DLC1: variants seen among roughly 807,000 people sequenced by gnomAD.
DLC1 encodes rho GTPase-activating protein 7.
A neutral mutation model predicts 140.3 loss-of-function variants in DLC1; 54 were observed. The observed-to-expected ratio is 0.38, with a 90% confidence interval of 0.31 to 0.48. The LOEUF is 0.48. Ranked by LOEUF, DLC1 falls within the 20% of genes least tolerant of loss-of-function variation. DLC1 has a pLI of 0.96. For missense variants in DLC1, 2,536 were observed against 1,907.0 expected, an observed-to-expected ratio of 1.33 and a Z score of -6.14; for synonymous variants, 986 against 728.1, an observed-to-expected ratio of 1.35 and a Z score of -5.70.
intron 1 of DLC1, among the ~76,000 whole-genome samples, chr8:13,588,625 CTT>C (rs1271255224): frequency 2.6e-5 from 4 of 151,958 alleles, no homozygotes; most frequent in African/African-American, 9.7e-5. Flanking sequence ...AGAAAATAGT[CTT>C]AAATGAAAGT....
intron 1 of DLC1, among the ~76,000 whole-genome samples, chr8:13,593,123 A>G (rs1015917149): frequency 1.3e-5 from 2 of 151,978 alleles, no homozygotes; most frequent in African/African-American, 2.4e-5. Flanking sequence ...ACCCCACCCA[A>G]TCTATGTTCC....
At chr8:13,221,604 C>T (rs1360871166) in intron 5 of DLC1, among the ~76,000 whole-genome samples, 1 of 150,540 alleles carries the variant, frequency 6.6e-6, no homozygotes, top group Non-Finnish European at 1.5e-5. Flanking sequence ...CCCCTGACCT[C>T]AAGTGATCTG....
intron 1 of DLC1, among the ~76,000 whole-genome samples, chr8:13,548,108 T>C (rs1186142157): frequency 6.6e-6 from 1 of 152,104 alleles, no homozygotes; most frequent in African/African-American, 2.4e-5. Context: ...AAGGAATATA[T>C]AGTGCCTAAT....
intron 5 of DLC1, among the ~76,000 whole-genome samples, chr8:13,230,916 G>C (rs1829020541): frequency 6.6e-6 from 1 of 151,972 alleles, no homozygotes; most frequent in Admixed American, 6.6e-5. Context: ...ATTTTTGATC[G>C]ATGGGATTTT....
At chr8:13,155,061 G>A (rs536860689) in intron 5 of DLC1, among the ~76,000 whole-genome samples, 3 of 150,742 alleles carry the variant, frequency 2.0e-5, no homozygotes, top group South Asian at 4.2e-4. Context: ...ATTCTGTAAC[G>A]TATATACTTG....
intron 1 of DLC1, among the ~76,000 whole-genome samples, chr8:13,509,823 T>C (rs1473135833): frequency 1.3e-5 from 2 of 152,178 alleles, no homozygotes; most frequent in East Asian, 3.9e-4. Flanking sequence ...CCCCTGGTGA[T>C]TAGGGTTAGT....
chr8:13,552,111 G>GTATGTATATA, intron 1 of DLC1, among the ~76,000 whole-genome samples: 1 of 54,530 alleles, frequency 1.8e-5, no homozygotes, highest in African/African-American at 7.5e-5. Context: ...GTCTAGAGGT[G>GTATGTATATA]TATATATATA....
intron 4 of DLC1, among the ~76,000 whole-genome samples, chr8:13,352,499 G>A (rs1024964685): frequency 6.6e-6 from 1 of 151,780 alleles, no homozygotes; most frequent in Non-Finnish European, 1.5e-5. Context: ...CTCCCACCTC[G>A]GCCTCGCAAG....
At chr8:13,504,909 A>G (rs1801984965) in intron 1 of DLC1, among the ~76,000 whole-genome samples, 1 of 152,192 alleles carries the variant, frequency 6.6e-6, no homozygotes, top group African/African-American at 2.4e-5. Flanking sequence ...AATTTTCAGG[A>G]TAAAAGTTGT....
chr8:13,508,712 C>G (rs936730416), intron 1 of DLC1, among the ~76,000 whole-genome samples: 4 of 152,256 alleles, frequency 2.6e-5, no homozygotes, highest in African/African-American at 9.6e-5. Flanking sequence ...GCCACCACGC[C>G]CGGCCAGATG....
chr8:13,353,006 A>T (rs1034309896), intron 4 of DLC1, among the ~76,000 whole-genome samples: 1 of 152,230 alleles, frequency 6.6e-6, no homozygotes, highest in East Asian at 1.9e-4. Flanking sequence ...TCAATTTTTT[A>T]TGAATCTTAG....
chr8:13,559,594 A>C (rs1482943224), intron 1 of DLC1, among the ~76,000 whole-genome samples: 1 of 152,206 alleles, frequency 6.6e-6, no homozygotes, highest in Non-Finnish European at 1.5e-5. Context: ...TTTATAGTGA[A>C]AGCTAACATT....
At chr8:13,532,508 T>C (rs1168064906) in intron 1 of DLC1, among the ~76,000 whole-genome samples, 1 of 152,236 alleles carries the variant, frequency 6.6e-6, no homozygotes, top group Admixed American at 6.5e-5. Flanking sequence ...TGAGGCTGAA[T>C]GCTTAACTCA....
At chr8:13,133,238 C>T in intron 5 of DLC1, 2 of 1,395,498 alleles carry the variant, frequency 1.4e-6, no homozygotes, top group Non-Finnish European at 1.9e-6. Flanking sequence ...AGAGGTGCGG[C>T]CATGTCCTGG....
intron 8 of DLC1, 85 bp from the exon 9 acceptor site, chr8:13,100,855 T>C: frequency 3.6e-6 from 5 of 1,394,572 alleles, no homozygotes; most frequent in Non-Finnish European, 4.7e-6. Context: ...GCTCATAATA[T>C]GCCAGTAGTA....
At chr8:13,243,109 G>T (rs1050827687) in intron 5 of DLC1, among the ~76,000 whole-genome samples, 1 of 151,754 alleles carries the variant, frequency 6.6e-6, no homozygotes, top group African/African-American at 2.4e-5. Flanking sequence ...GGCCAACATG[G>T]CAAAAACCCA....
chr8:13,527,324 A>T (rs368856785), intron 1 of DLC1, among the ~76,000 whole-genome samples: 1 of 152,268 alleles, frequency 6.6e-6, no homozygotes, highest in East Asian at 1.9e-4. Context: ...TGCTTTTCTC[A>T]ATATGATTTT....
intron 5 of DLC1, among the ~76,000 whole-genome samples, chr8:13,181,560 C>T (rs1440542966): frequency 3.7e-5 from 5 of 134,714 alleles, no homozygotes; most frequent in Admixed American, 8.4e-5. Flanking sequence ...TTGTTCAATT[C>T]CCACCTATGA....
At chr8:13,134,803 A>T (rs986652493) in intron 5 of DLC1, among the ~76,000 whole-genome samples, 10 of 152,184 alleles carry the variant, frequency 6.6e-5, no homozygotes, top group Admixed American at 1.3e-4. Context: ...TACAAAAATA[A>T]ATAAATAAAT....
Sources: allele counts gnomAD v4.1 joint callset (sites outside exome capture counted in the v4.1 genomes callset), GRCh38; gene constraint gnomAD v4.1.1; transcripts MANE v1.5; gene names NCBI Gene and HGNC (gene_info 2026-07-23, HGNC 2026-07-21).